IQSEC3: variants seen among roughly 807,000 people sequenced by gnomAD.
The protein encoded by IQSEC3 is IQ motif and Sec7 domain ArfGEF 3.
In IQSEC3, 50 loss-of-function variants were observed where a neutral mutation model predicts 105.4. That is an observed-to-expected ratio of 0.47 (90% CI 0.38 to 0.60). The LOEUF is 0.60. IQSEC3 is among the 20% of genes least tolerant of loss of function. IQSEC3 has a pLI of 0.00. For missense variants in IQSEC3, 1,415 were observed against 1,630.0 expected (o/e 0.87, Z 2.27); for synonymous variants, 708 against 746.0 (o/e 0.95, Z 0.83).
intron 2 of IQSEC3, among the ~76,000 whole-genome samples, chr12:102,129 GTCAGTCTGGCTCCTCCCCCA>G: frequency 1.2e-5 from 1 of 83,826 alleles, no homozygotes; most frequent in African/African-American, 4.7e-5. Flanking sequence ...CTCCTCCCCC[GTCAGTCTGGCTCCTCCCCCA>G]TCAGTCTGGC....
intron 2 of IQSEC3, among the ~76,000 whole-genome samples, chr12:103,494 G>A (rs1482841231): frequency 2.3e-4 from 7 of 30,466 alleles, no homozygotes; most frequent in East Asian, 9.3e-4. Context: ...GGCGGGGCTC[G>A]GGGGGTAGGT....
chr12:69,001 G>C (rs1863203912), intron 1 of IQSEC3, among the ~76,000 whole-genome samples: 1 of 151,972 alleles, frequency 6.6e-6, no homozygotes, highest in Non-Finnish European at 1.5e-5. Context: ...TTCCTTATCT[G>C]GCATAAAAAG....
At chr12:132,825 G>A (rs1555085473) in intron 3 of IQSEC3, among the ~76,000 whole-genome samples, 2 of 152,210 alleles carry the variant, frequency 1.3e-5, no homozygotes, top group African/African-American at 4.8e-5. Flanking sequence ...TAGGTATGGA[G>A]GCTTGAGAGT....
intron 11 of IQSEC3, among the ~76,000 whole-genome samples, chr12:168,490 A>G (rs954743186): frequency 3.3e-5 from 5 of 152,212 alleles, no homozygotes; most frequent in Admixed American, 6.5e-5. Context: ...GTTTCACACA[A>G]TGTAACAAAA....
chr12:154,200 G>A (rs1285502830), intron 5 of IQSEC3, among the ~76,000 whole-genome samples: 4 of 152,312 alleles, frequency 2.6e-5, no homozygotes, highest in East Asian at 1.9e-4. Flanking sequence ...GCTCACTACC[G>A]GGGCTTTTAG....
intron 1 of IQSEC3, among the ~76,000 whole-genome samples, chr12:91,031 G>A (rs1334170746): frequency 1.2e-4 from 19 of 152,126 alleles, no homozygotes; most frequent in Non-Finnish European, 2.1e-4. Context: ...TTCTCCTGGA[G>A]CTCAAGGCAG....
chr12:89,212 C>A (rs1054579492), intron 1 of IQSEC3, among the ~76,000 whole-genome samples: 3 of 152,118 alleles, frequency 2.0e-5, no homozygotes, highest in African/African-American at 7.2e-5. Context: ...AGTTTCTGGC[C>A]CCCTGGACTC....
chr12:165,752 G>A lies in IQSEC3; in HGVS notation c.2833G>A (p.Val945Met). 5 of 1,613,886 alleles carry A rather than the reference G, an allele frequency of 3.1e-6. No homozygotes were observed. Among genetic ancestry groups the A allele is most frequent in the Non-Finnish European group, 4.2e-6 (5 of 1,180,036 alleles). The change falls in exon 11 of 14, where the codon GTG (valine) becomes ATG (methionine). Residue 945 changes from valine (V) to methionine (M), a missense_variant. Val to Met is a conservative substitution (Grantham distance 21, BLOSUM62 1). Around this residue, in one of 6 missense-constraint regions of IQSEC3, gnomAD observed 419 missense variants for 436.2 expected, o/e 0.96. Coordinates refer to ENST00000538872, the MANE Select transcript of IQSEC3 (RefSeq NM_001170738.2). ...NEYYSHGITLVTPLSGSEKKQ... is the reference protein window; with the variant it reads ...NEYYSHGITLMTPLSGSEKKQ... Reference sequence around the variant, plus strand: ...AGATTACTCTCATGGCATCACACTGGTGACCCCGCTCTCGGGCTCCGAGAA... The same window carrying A: ...AGATTACTCTCATGGCATCACACTGATGACCCCGCTCTCGGGCTCCGAGAA...
At chr12:90,364 C>T (rs895058384) in intron 1 of IQSEC3, among the ~76,000 whole-genome samples, 13 of 152,090 alleles carry the variant, frequency 8.5e-5, no homozygotes, top group South Asian at 2.1e-4. Flanking sequence ...TTTTTTGTTT[C>T]GTGGCTTGTG....
chr12:127,235 C>T (rs1007905796), intron 3 of IQSEC3, among the ~76,000 whole-genome samples: 1 of 152,152 alleles, frequency 6.6e-6, no homozygotes, highest in Non-Finnish European at 1.5e-5. Context: ...AAAACCTCAT[C>T]AGGGGCCAGG....
intron 2 of IQSEC3, among the ~76,000 whole-genome samples, chr12:121,918 C>T (rs1865231546): frequency 6.6e-6 from 1 of 152,172 alleles, no homozygotes; most frequent in South Asian, 2.1e-4. Flanking sequence ...TTGCCCAAGT[C>T]ACATAGTAAG....
intron 2 of IQSEC3, among the ~76,000 whole-genome samples, chr12:103,957 G>A (rs1555077176): frequency 6.6e-6 from 1 of 151,516 alleles, no homozygotes; most frequent in Non-Finnish European, 1.5e-5. Context: ...GGCCTCCAGA[G>A]CAAGAAGGGA....
In IQSEC3 at chr12:133,216, C is replaced by T. The variant is rs527801562; in HGVS notation, c.904-5051C>T. Among the ~76,000 whole-genome samples, 4 of 152,360 alleles carry T rather than the reference C, an allele frequency of 2.6e-5. No homozygotes were observed. In the South Asian group the frequency reaches 6.2e-4, roughly 24 times the overall value. On this transcript the variant is annotated intron_variant, in intron 3 of 13. Coordinates refer to ENST00000538872, the MANE Select transcript of IQSEC3 (RefSeq NM_001170738.2). Reference sequence around the variant, plus strand: ...CTTCTTAATTCATTGTTAATTATCACCCATCACGGGCTCCTCTGATGATGT... The same window carrying T: ...CTTCTTAATTCATTGTTAATTATCATCCATCACGGGCTCCTCTGATGATGT...
At chr12:134,769 A>C (rs1218363037) in intron 3 of IQSEC3, among the ~76,000 whole-genome samples, 3 of 150,210 alleles carry the variant, frequency 2.0e-5, no homozygotes, top group African/African-American at 7.4e-5. Flanking sequence ...ACAGTGGCAC[A>C]TGCCTGTAAT....
At chr12:160,385 T>G (rs1430498594) in intron 7 of IQSEC3, among the ~76,000 whole-genome samples, 1 of 152,180 alleles carries the variant, frequency 6.6e-6, no homozygotes, top group African/African-American at 2.4e-5. Flanking sequence ...TACTGCAGTA[T>G]CTGGAGATAT....
rs868985922 is a variant in IQSEC3 at position 69,311 on chromosome 12, G to T, written c.554+1875G>T. On this transcript the variant is annotated intron_variant, in intron 1 of 13. Transcript: ENST00000538872. Reference sequence around the variant, plus strand: ...GCCATAGCCTTCAGAGTGGCCTACGGAACCCAAACCCTTTCACTCAGTTGG... The same window carrying T: ...GCCATAGCCTTCAGAGTGGCCTACGTAACCCAAACCCTTTCACTCAGTTGG... 9.2e-5 allele frequency among the ~76,000 whole-genome samples: 14 copies of T among 152,266 alleles called. No individual in the cohort carries two copies. In the South Asian group the frequency reaches 1.9e-3, roughly 20 times the overall value.
rs139397178 is a variant in IQSEC3, at chr12:87,177, A to G, written c.555-11969A>G. On this transcript the variant is annotated intron_variant, in intron 1 of 13. Transcript: ENST00000538872. ...TTTTCTGTTCTGCATCATATCTGCT[A>G]GAGGGGCTTGGAGGATGGAGGTTCA... Among the ~76,000 whole-genome samples the G allele has an allele frequency of 5.1e-3, 769 of 152,210 alleles. 5 individuals carry two copies. Among genetic ancestry groups the G allele is most frequent in the South Asian group, 0.021 (103 of 4,824 alleles).
chr12:165,728 G>C lies in IQSEC3; in HGVS notation c.2810-1G>C. On this transcript the variant is annotated splice_acceptor_variant, in intron 10 of 13. Transcript: ENST00000538872. LOFTEE classifies it high-confidence loss of function. ...CTGGGGGCCTGGGGTCTGCTTTCCA[G>C]ATTACTCTCATGGCATCACACTGGT... 1 of 1,613,582 alleles carries C rather than the reference G, an allele frequency of 6.2e-7. No individual in the cohort carries two copies.
Position 152,816 on chromosome 12 carries a change from C to T in IQSEC3, c.2154-4209C>T, listed in dbSNP as rs1866553104. 6.6e-6 allele frequency among the ~76,000 whole-genome samples: 1 copy of T among 152,140 alleles called. No individual in the cohort carries two copies. Among genetic ancestry groups the T allele is most frequent in the African/African-American group, 2.4e-5 (1 of 41,428 alleles). Reference sequence around the variant, plus strand: ...CTGTGGGAGCATGGGGCCAGCCCTACGTGGCATTAGTTTTGTCTTCTGTAA... The same window carrying T: ...CTGTGGGAGCATGGGGCCAGCCCTATGTGGCATTAGTTTTGTCTTCTGTAA... On this transcript the variant is annotated intron_variant, in intron 5 of 13. Transcript: ENST00000538872. This position sits in a 1 kb window ranked among gnomAD's most constrained non-coding sequence, Gnocchi z 4.8.
Sources: allele counts gnomAD v4.1 joint callset (sites outside exome capture counted in the v4.1 genomes callset), GRCh38; gene constraint gnomAD v4.1.1; regional missense constraint gnomAD v4.1.1; non-coding constraint Gnocchi (gnomAD v3.1); transcripts MANE v1.5; gene names NCBI Gene and HGNC (gene_info 2026-07-23, HGNC 2026-07-21).